The following ADGRV1 variants were observed in gnomAD, a reference collection of about 807,000 sequenced individuals.
ADGRV1 encodes the protein adhesion G protein-coupled receptor V1.
Under a neutral mutation model 596.2 loss-of-function variants are expected in ADGRV1, and 359 were observed. The ratio of observed to expected loss-of-function variants is 0.60; its 90% confidence interval spans 0.55 to 0.66. The LOEUF is 0.66. ADGRV1 is among the 30% of genes least tolerant of loss of function. The probability of loss-of-function intolerance (pLI) is 0.00; values close to 1 mark genes in which losing one functional copy is unlikely to be tolerated. For missense variants in ADGRV1, 7,274 were observed against 7,575.6 expected, an observed-to-expected ratio of 0.96 and a Z score of 1.48; for synonymous variants, 2,681 against 2,679.2, an observed-to-expected ratio of 1.00 and a Z score of -0.02.
chr5:90,790,318 GT>G (rs2150131277), intron 69 of ADGRV1, among the ~76,000 whole-genome samples: 1 of 152,228 alleles, frequency 6.6e-6, no homozygotes, highest in South Asian at 2.1e-4. Flanking sequence ...ACAGATCAAG[GT>G]AATTTGTTTG....
At chr5:90,919,994 C>CAAAAAAAAAAAAA (rs59122926) in intron 83 of ADGRV1, among the ~76,000 whole-genome samples, 1 of 80,082 alleles carries the variant, frequency 1.2e-5, no homozygotes, top group Non-Finnish European at 2.5e-5. Context: ...AACTCCATCT[C>CAAAAAAAAAAAAA]AAAAAAAAAA....
rs138476984 is a variant in ADGRV1, at chr5:90,685,597, TATAA to T, written c.6275-141_6275-138del. ...GCCTGCGTGGTAGAGAGTCCATCTC[TATAA>T]ATAAATAAATAAATAAATAAATAAA... On this transcript the variant is annotated intron_variant, in intron 28 of 89. Transcript: ENST00000405460. 0.22 allele frequency among the ~76,000 whole-genome samples: 30,929 copies of T among 141,990 alleles called. 4,035 individuals are homozygous for T. Among genetic ancestry groups the T allele is most frequent in the East Asian group, 0.42 (2,028 of 4,822 alleles). 93.2% of individuals were successfully genotyped at this position (141,990 alleles called of 152,430 possible). A position where few individuals can be genotyped will look rare whatever the true frequency, so the allele number is the denominator to read the frequency against.
chr5:90,668,352 T>G (rs973158557), intron 21 of ADGRV1, among the ~76,000 whole-genome samples: 32 of 150,096 alleles, frequency 2.1e-4, no homozygotes, highest in Non-Finnish European at 3.7e-4. Context: ...TGCAGTATTC[T>G]GGTGGGAGTG....
intron 29 of ADGRV1, among the ~76,000 whole-genome samples, 187 bp downstream of exon 29, chr5:90,686,182 C>T (rs568231909): frequency 1.4e-3 from 218 of 150,546 alleles, no homozygotes; most frequent in African/African-American, 5.1e-3. Flanking sequence ...GATGGAGTCT[C>T]GCTTGATTTT....
intron 84 of ADGRV1, among the ~76,000 whole-genome samples, chr5:90,978,796 A>G (rs1008436159): frequency 2.6e-5 from 4 of 152,246 alleles, no homozygotes; most frequent in Admixed American, 1.3e-4. Flanking sequence ...AAACAAACTC[A>G]AAACTAAACC....
intron 85 of ADGRV1, 98 bp downstream of exon 85, chr5:90,985,620 T>C: frequency 1.2e-6 from 1 of 852,116 alleles, no homozygotes. Context: ...AGGAAGATCT[T>C]TGCTTTTCTG....
intron 86 of ADGRV1, among the ~76,000 whole-genome samples, chr5:91,082,451 C>T (rs549681734): frequency 5.3e-5 from 8 of 152,066 alleles, no homozygotes; most frequent in Admixed American, 2.6e-4. Context: ...TTTGGGCTCC[C>T]GAGTAGCCAG....
chr5:91,058,208 A>G (rs1787072636), intron 85 of ADGRV1, among the ~76,000 whole-genome samples: 1 of 152,054 alleles, frequency 6.6e-6, no homozygotes. Context: ...TGGTTTCTTC[A>G]CCCATCATGC....
chr5:90,719,320 C>CATAAATAA lies in ADGRV1; in HGVS notation c.9448-689_9448-682dup, dbSNP rs3045849. 3.4e-3 allele frequency among the ~76,000 whole-genome samples: 502 copies of CATAAATAA among 149,458 alleles called. 2 individuals carry two copies. The highest frequency in any genetic ancestry group is 0.021 in the Middle Eastern group (6 of 292). ...TGGGTGACAGCACAAGACTCTGTCTCATAAATAAATAAATAAATAAATAAA... is the reference window on the plus strand; with the variant it reads ...TGGGTGACAGCACAAGACTCTGTCTCATAAATAAATAAATAAATAAATAAATAAATAAA... On this transcript the variant is annotated intron_variant, in intron 43 of 89. Transcript: ENST00000405460.
At chr5:90,565,727 A>G (rs1755553857) in intron 1 of ADGRV1, among the ~76,000 whole-genome samples, 1 of 152,100 alleles carries the variant, frequency 6.6e-6, no homozygotes, top group South Asian at 2.1e-4. Flanking sequence ...GCTAGGTCAT[A>G]TTGTCACCCT....
At chr5:90,595,286 C>A (rs1760193146) in intron 1 of ADGRV1, among the ~76,000 whole-genome samples, 1 of 58,872 alleles carries the variant, frequency 1.7e-5, no homozygotes, top group South Asian at 5.9e-4. Context: ...GTAGGGGCGG[C>A]CGGGCAGAGG....
In ADGRV1 at chr5:90,805,219, C is replaced by A. The variant is rs1761789146; in HGVS notation, c.14662-65C>A. The A allele has an allele frequency of 3.6e-6, 5 of 1,398,682 alleles. No individual in the cohort carries two copies. The Admixed American group carries it at 9.4e-5, about 26-fold the overall frequency. 86.6% of individuals were successfully genotyped at this position (1,398,682 alleles called of 1,614,324 possible). ...AACCAAGGGAAAGTTTACGTTTAAC[C>A]CATTCCTCAGAAAACAGGAAGGTTT... is the stretch of plus-strand genomic sequence containing the variant. On this transcript the variant is annotated intron_variant, in intron 71 of 89. Transcript: ENST00000405460.
intron 21 of ADGRV1, among the ~76,000 whole-genome samples, chr5:90,659,196 T>C (rs1322508506): frequency 6.6e-6 from 1 of 152,184 alleles, no homozygotes; most frequent in Non-Finnish European, 1.5e-5. Flanking sequence ...TATCCTAGAC[T>C]AGCAATAACA....
intron 89 of ADGRV1, among the ~76,000 whole-genome samples, chr5:91,156,028 T>C (rs1426890820): frequency 1.3e-5 from 2 of 152,156 alleles, no homozygotes; most frequent in Non-Finnish European, 2.9e-5. Flanking sequence ...AATGGCTGAC[T>C]AAAAGAAAAG....
rs1264479232 is a variant in ADGRV1, at chr5:90,817,275, G to T, written c.16196+1539G>T. The stretch of plus-strand genomic sequence containing the variant: ...GATGGGGTTGTTTGTTTTTTTTCTT[G>T]TAAATTTGTTTGAGTTCATTGTAGA... On this transcript the variant is annotated intron_variant, in intron 75 of 89. Coordinates refer to ENST00000405460, the MANE Select transcript of ADGRV1 (RefSeq NM_032119.4). Among the ~76,000 whole-genome samples, 55 of 150,512 alleles carry T rather than the reference G, an allele frequency of 3.7e-4. 1 individual carries two copies. The South Asian group carries it at 0.011, about 30-fold the overall frequency.
chr5:90,933,876 A>G (rs1321527014), intron 83 of ADGRV1, among the ~76,000 whole-genome samples: 1 of 152,168 alleles, frequency 6.6e-6, no homozygotes, highest in Non-Finnish European at 1.5e-5. Context: ...GGTATGAACA[A>G]TCTGTCAATT....
chr5:90,964,566 CAA>C (rs2150964603), intron 83 of ADGRV1, among the ~76,000 whole-genome samples: 1 of 152,216 alleles, frequency 6.6e-6, no homozygotes, highest in African/African-American at 2.4e-5. Flanking sequence ...ATAGAAATCA[CAA>C]AGAGTCTTTC....
At chr5:90,643,712 G>T in intron 13 of ADGRV1, 91 bp from the exon 14 acceptor site, 1 of 958,414 alleles carries the variant, frequency 1.0e-6, no homozygotes, top group South Asian at 2.0e-5. Context: ...CTGAAACTTT[G>T]AGTATATTAA....
chr5:90,573,725 G>A (rs1349562840), intron 1 of ADGRV1, among the ~76,000 whole-genome samples: 3 of 152,092 alleles, frequency 2.0e-5, no homozygotes, highest in African/African-American at 7.2e-5. Context: ...GTTTTAAAAT[G>A]TTGTTTTTTT....
Sources: gnomAD v4.1 joint callset for allele counts (sites outside exome capture counted in the v4.1 genomes callset) on GRCh38, gnomAD v4.1.1 for gene constraint, MANE v1.5 for transcripts, NCBI Gene and HGNC (gene_info 2026-07-23, HGNC 2026-07-21) for gene names.